Variants in SEZ6 observed in about 807,000 individuals in gnomAD.
SEZ6 encodes seizure protein 6 homolog.
In SEZ6, 53 loss-of-function variants were observed where a neutral mutation model predicts 101.0. The observed-to-expected ratio is 0.52, with a 90% CI of 0.42 to 0.66. The LOEUF (loss-of-function observed/expected upper bound fraction) is 0.66, where lower values mean the gene tolerates loss of function less well. Among genes scored for constraint, SEZ6 ranks in the 30% least tolerant of loss-of-function variants. The pLI is 0.00. For synonymous variants in SEZ6, 488 were observed against 512.2 expected, an observed-to-expected ratio of 0.95 and a Z score of 0.64; for missense variants, 1,102 against 1,289.4, an observed-to-expected ratio of 0.85 and a Z score of 2.23.
intron 2 of SEZ6, among the ~76,000 whole-genome samples, chr17:28,980,483 C>T (rs986932702): frequency 6.6e-6 from 1 of 151,888 alleles, no homozygotes; most frequent in Non-Finnish European, 1.5e-5. Flanking sequence ...CATTCTCCTG[C>T]CTCAGCCTCC....
At chr17:28,992,889 G>A (rs1022080648) in intron 1 of SEZ6, among the ~76,000 whole-genome samples, 3 of 152,120 alleles carry the variant, frequency 2.0e-5, no homozygotes, top group Non-Finnish European at 2.9e-5. Flanking sequence ...CTGCTCCTGC[G>A]TCACCTGCTG....
chr17:28,979,227 C>T (rs2041264572), intron 3 of SEZ6, among the ~76,000 whole-genome samples: 1 of 152,146 alleles, frequency 6.6e-6, no homozygotes, highest in South Asian at 2.1e-4. Context: ...ACTTTCCTAT[C>T]AGCTGATCAC....
At chr17:28,995,153 G>A (rs566468458) in intron 1 of SEZ6, among the ~76,000 whole-genome samples, 9 of 152,248 alleles carry the variant, frequency 5.9e-5, no homozygotes, top group Admixed American at 3.9e-4. Flanking sequence ...GATTACAGGC[G>A]TGAGCCACCG....
chr17:28,981,696 G>A lies in SEZ6; in HGVS notation c.399C>T (p.Pro133=). The A allele has an allele frequency of 1.9e-6, 3 of 1,585,922 alleles. No individual in the cohort carries two copies. The highest frequency in any genetic ancestry group is 2.6e-6 in the Non-Finnish European group (3 of 1,161,902). Residue 133 remains proline, a synonymous_variant, in exon 2 of 17, where the codon CCC becomes CCT. Coordinates refer to ENST00000317338, the MANE Select transcript of SEZ6 (RefSeq NM_178860.5). The part of the protein sequence containing the change: ...TPAMAAVPTQ[P]QSKEGPWSPE... The stretch of plus-strand genomic sequence containing the variant: ...GACTCCAGGGTCCCTCCTTGGACTG[G>A]GGCTGAGTGGGTACCGCAGCCATGG...
chr17:28,956,799 A>G (rs1025084498), intron 13 of SEZ6, 42 bp from the exon 14 acceptor site: 11 of 1,553,072 alleles, frequency 7.1e-6, no homozygotes, highest in African/African-American at 6.8e-5. Flanking sequence ...AGTGAGCCCA[A>G]TGGGCCAAAC....
intron 3 of SEZ6, among the ~76,000 whole-genome samples, chr17:28,975,004 A>G (rs1364595457): frequency 6.6e-6 from 1 of 152,158 alleles, no homozygotes; most frequent in Non-Finnish European, 1.5e-5. Context: ...GGGATAGTTT[A>G]CCTACTTCAT....
At chr17:28,996,458 G>A (rs371294957) in intron 1 of SEZ6, among the ~76,000 whole-genome samples, 1 of 152,136 alleles carries the variant, frequency 6.6e-6, no homozygotes. Flanking sequence ...AAACCTGAGT[G>A]GGGGAGGGGA....
chr17:28,956,820 G>A (rs2040886622), intron 13 of SEZ6, 63 bp from the exon 14 acceptor site: 2 of 1,525,844 alleles, frequency 1.3e-6, no homozygotes, highest in African/African-American at 2.8e-5. Context: ...CACTAAGGCA[G>A]GGAGAGGAGG....
rs147581980 is a variant in SEZ6, at chr17:29,004,008, A to G, written c.55+1807T>C. ...CTGGCCACACCAGCCTTCCTCCTGG[A>G]TTCCCACAGTCTCACTCTAGCCCTG... On this transcript the variant is annotated intron_variant, in intron 1 of 16. Coordinates refer to ENST00000317338, the MANE Select transcript of SEZ6 (RefSeq NM_178860.5). Among the ~76,000 whole-genome samples the G allele has an allele frequency of 2.6e-3, 392 of 152,222 alleles. 2 individuals are homozygous for G. Among genetic ancestry groups the G allele is most frequent in the African/African-American group, 8.9e-3 (370 of 41,534 alleles).
chr17:28,956,506 G>A, intron 14 of SEZ6, 39 bp from the exon 15 acceptor site: 23 of 1,535,220 alleles, frequency 1.5e-5, no homozygotes, highest in Non-Finnish European at 2.0e-5. Context: ...AGAGGTCTCT[G>A]TCACCTGGAG....
chr17:28,982,053 G>C lies in SEZ6; in HGVS notation c.56-14C>G. On this transcript the variant is annotated splice_polypyrimidine_tract_variant and intron_variant, in intron 1 of 16. Transcript: ENST00000317338. ...CTAAAGAGAGTCCTGAAATAATAAG[G>C]GATGGTCAGAGGTTCTCCCCCTGCT... is the stretch of plus-strand genomic sequence containing the variant. 8 of 1,564,148 alleles carry C rather than the reference G, an allele frequency of 5.1e-6. No individual in the cohort carries two copies. Among genetic ancestry groups the C allele is most frequent in the Non-Finnish European group, 6.9e-6 (8 of 1,156,628 alleles).
chr17:28,979,400 C>T (rs2041266813), intron 3 of SEZ6, among the ~76,000 whole-genome samples: 1 of 152,216 alleles, frequency 6.6e-6, no homozygotes, highest in African/African-American at 2.4e-5. Flanking sequence ...GCCCTGTGTT[C>T]TCTGCTTAGC....
At chr17:28,969,641 G>A (rs1203445704) in intron 4 of SEZ6, 116 bp downstream of exon 4, 5 of 976,108 alleles carry the variant, frequency 5.1e-6, no homozygotes, top group African/African-American at 3.5e-5. Context: ...TGTGCTATGT[G>A]TCACTAGCCC....
chr17:28,966,401 T>TGAACTCGG (rs2041068534), intron 4 of SEZ6, among the ~76,000 whole-genome samples: 1 of 151,582 alleles, frequency 6.6e-6, no homozygotes, highest in African/African-American at 2.4e-5. Context: ...GAGAATCGCT[T>TGAACTCGG]GAACTCGGGA....
rs2041670801 is a variant in SEZ6, at chr17:29,005,207, G to C, written c.55+608C>G. Among the ~76,000 whole-genome samples the C allele has an allele frequency of 6.6e-6, 1 of 152,116 alleles. No homozygotes were observed. Among genetic ancestry groups the C allele is most frequent in the African/African-American group, 2.4e-5 (1 of 41,438 alleles). ...GGCAGAGCCAGGAGCCAGATAGGGG[G>C]TCCAGGCCCTTGGAGTTTCTCTCTA... On this transcript the variant is annotated intron_variant, in intron 1 of 16. Transcript: ENST00000317338. This position sits in a 1 kb window ranked among gnomAD's most constrained non-coding sequence, Gnocchi z 4.8.
At chr17:28,961,010 G>C in intron 5 of SEZ6, 37 bp from the exon 6 acceptor site, 2 of 1,585,630 alleles carry the variant, frequency 1.3e-6, no homozygotes, top group Non-Finnish European at 1.7e-6. Flanking sequence ...CTAGGCCCCT[G>C]CCTGAACCCA....
Position 28,981,575 on chromosome 17 carries a change from T to G in SEZ6, c.520A>C (p.Thr174Pro), listed in dbSNP as rs752509317. ...GTCCAGGCTCTGCTGGGGGGTGTAGTGCTGGCTATCTCCCCTGGGCCTAGG... is the reference window on the plus strand; with the variant it reads ...GTCCAGGCTCTGCTGGGGGGTGTAGGGCTGGCTATCTCCCCTGGGCCTAGG... ...PTLGPGEIAS[T>P]TPPSRAWTPT... The change falls in exon 2 of 17, where the codon ACT becomes CCT. Residue 174 changes from threonine to proline, a missense_variant. Coordinates refer to ENST00000317338, the MANE Select transcript of SEZ6 (RefSeq NM_178860.5). 1.9e-6 allele frequency: 3 copies of G among 1,611,316 alleles called. No homozygotes were observed. In the Admixed American group the frequency reaches 5.0e-5, roughly 27 times the overall value.
rs1164377472 is a variant in SEZ6 at position 28,959,313 on chromosome 17, C to A, written c.1910+21G>T. On this transcript the variant is annotated intron_variant, in intron 9 of 16. Transcript: ENST00000317338. This position sits in a 1 kb window ranked among gnomAD's most constrained non-coding sequence, Gnocchi z 4.4. ...CCCCAGACCTCAGGAGTTGGCTCGG[C>A]CTGACCCGGTAGGCACTCACACTCG... The A allele has an allele frequency of 6.2e-7, 1 of 1,613,932 alleles. No homozygotes were observed. The highest frequency in any genetic ancestry group is 1.7e-5 in the Admixed American group (1 of 60,032).
chr17:28,959,134 A>T lies in SEZ6; in HGVS notation c.1998T>A (p.Arg666=). Residue 666 remains arginine, a synonymous_variant, in exon 10 of 17, where the codon CGT becomes CGA. Transcript: ENST00000317338. This position sits in a 1 kb window ranked among gnomAD's most constrained non-coding sequence, Gnocchi z 4.4. ...ARVLGQYSGP[R]SHFKLFTSMA... is the part of the protein sequence containing the mutation. Reference sequence around the variant, plus strand: ...TGGAGGTAAAGAGCTTGAAGTGGCTACGGGGCCCTGAGTACTGGCCCAGAA... The same window carrying T: ...TGGAGGTAAAGAGCTTGAAGTGGCTTCGGGGCCCTGAGTACTGGCCCAGAA... The T allele has an allele frequency of 6.2e-7, 1 of 1,613,942 alleles. No homozygotes were observed. Among genetic ancestry groups the T allele is most frequent in the Non-Finnish European group, 8.5e-7 (1 of 1,179,856 alleles).
Sources: allele counts gnomAD v4.1 joint callset (sites outside exome capture counted in the v4.1 genomes callset), GRCh38; gene constraint gnomAD v4.1.1; non-coding constraint Gnocchi (gnomAD v3.1); transcripts MANE v1.5; gene names NCBI Gene and HGNC (gene_info 2026-07-23, HGNC 2026-07-21).